MAPK4: variants seen among roughly 807,000 people sequenced by gnomAD.
MAPK4 encodes Erk3-related.
Under a neutral mutation model 47.7 loss-of-function variants are expected in MAPK4, and 22 were observed. That is an observed-to-expected ratio of 0.46 (90% CI 0.33 to 0.66). The LOEUF (loss-of-function observed/expected upper bound fraction) is 0.66. Ranked by LOEUF, MAPK4 falls within the 30% of genes least tolerant of loss-of-function variation. The probability of loss-of-function intolerance (pLI) is 0.02; values close to 1 mark genes in which losing one functional copy is unlikely to be tolerated. For synonymous variants in MAPK4, 390 were observed against 365.7 expected (o/e 1.07, Z -0.76); for missense variants, 736 against 831.7 (o/e 0.88, Z 1.42).
chr18:50,700,547 G>T (rs12604368), intron 2 of MAPK4, among the ~76,000 whole-genome samples: 1 of 151,976 alleles, frequency 6.6e-6, no homozygotes, highest in African/African-American at 2.4e-5. Context: ...TCTTCTGTGG[G>T]CCCATCTGCT....
intron 1 of MAPK4, among the ~76,000 whole-genome samples, chr18:50,658,263 C>T (rs2043132787): frequency 6.6e-6 from 1 of 152,162 alleles, no homozygotes; most frequent in Non-Finnish European, 1.5e-5. Context: ...ACAAGGTGTG[C>T]CTACCCCACA....
intron 2 of MAPK4, among the ~76,000 whole-genome samples, chr18:50,694,347 G>A (rs1358298621): frequency 6.6e-6 from 1 of 152,110 alleles, no homozygotes; most frequent in Non-Finnish European, 1.5e-5. Flanking sequence ...CCTATCCCAT[G>A]GGCCAAACAC....
At chr18:50,712,964 C>G (rs988480148) in intron 2 of MAPK4, among the ~76,000 whole-genome samples, 2 of 152,144 alleles carry the variant, frequency 1.3e-5, no homozygotes, top group Non-Finnish European at 2.9e-5. Context: ...AACTTAAATT[C>G]CTAACAGCCT....
intron 1 of MAPK4, among the ~76,000 whole-genome samples, chr18:50,587,604 TG>T (rs2042399958): frequency 6.6e-6 from 1 of 152,142 alleles, no homozygotes; most frequent in Non-Finnish European, 1.5e-5. Flanking sequence ...CATGAAGGTG[TG>T]GTAGGTGCTT....
intron 1 of MAPK4, among the ~76,000 whole-genome samples, chr18:50,575,628 G>T (rs569588198): frequency 2.2e-4 from 34 of 152,024 alleles, no homozygotes; most frequent in African/African-American, 8.0e-4. Context: ...AACAAAAATT[G>T]ACAAATGGAA....
intron 1 of MAPK4, among the ~76,000 whole-genome samples, chr18:50,565,993 CATTA>C (rs1264089199): frequency 6.6e-6 from 1 of 152,188 alleles, no homozygotes; most frequent in Admixed American, 6.5e-5. Context: ...TCAGACTTCT[CATTA>C]ATTAATCTTT....
At chr18:50,672,143 C>G (rs1002724184) in intron 2 of MAPK4, among the ~76,000 whole-genome samples, 4 of 152,142 alleles carry the variant, frequency 2.6e-5, no homozygotes, top group Non-Finnish European at 4.4e-5. Flanking sequence ...CAGATGGCAA[C>G]CCACAGGGTG....
rs528412831 is a variant in MAPK4 at position 50,721,364 on chromosome 18, C to T, written c.692-574C>T. On this transcript the variant is annotated intron_variant, in intron 3 of 5. Transcript: ENST00000400384. ...GAATGTTTGAGTCCATCCTGTCCCA[C>T]CAAAGTGCCCCTGCAAACCTGGCAT... 2.0e-5 allele frequency among the ~76,000 whole-genome samples: 3 copies of T among 152,330 alleles called. No individual in the cohort carries two copies. In the South Asian group the frequency reaches 6.2e-4, roughly 32 times the overall value.
chr18:50,563,073 A>C (rs2042168013), intron 1 of MAPK4, among the ~76,000 whole-genome samples: 1 of 152,182 alleles, frequency 6.6e-6, no homozygotes. Flanking sequence ...CTTTATAAAA[A>C]ACTATATTAC....
chr18:50,675,984 C>T (rs950120938), intron 2 of MAPK4, among the ~76,000 whole-genome samples: 6 of 152,216 alleles, frequency 3.9e-5, no homozygotes, highest in African/African-American at 9.6e-5. Context: ...AGTGGGGATG[C>T]GACATTGCTG....
chr18:50,687,305 G>A (rs1908934654), intron 2 of MAPK4, among the ~76,000 whole-genome samples: 4 of 152,112 alleles, frequency 2.6e-5, no homozygotes, highest in African/African-American at 2.4e-5. Flanking sequence ...GATTACAGGC[G>A]TGAGCCACCA....
At chr18:50,626,382 G>A (rs1467922308) in intron 1 of MAPK4, among the ~76,000 whole-genome samples, 1 of 152,186 alleles carries the variant, frequency 6.6e-6, no homozygotes, top group Non-Finnish European at 1.5e-5. Context: ...GGGAGAGGTG[G>A]ACTTGAACCA....
intron 1 of MAPK4, among the ~76,000 whole-genome samples, chr18:50,617,139 A>G (rs150092085): frequency 1.3e-5 from 2 of 152,176 alleles, no homozygotes; most frequent in Admixed American, 6.5e-5. Flanking sequence ...GGGAATAATT[A>G]TTACTGGATT....
intron 5 of MAPK4, among the ~76,000 whole-genome samples, chr18:50,728,531 TCCCCACCCTAGA>T (rs1301747449): frequency 6.6e-6 from 1 of 152,062 alleles, no homozygotes; most frequent in East Asian, 1.9e-4. Context: ...CTTAATCAGG[TCCCCACCCTAGA>T]CCTACTCAGT....
chr18:50,693,222 G>A (rs958621860), intron 2 of MAPK4, among the ~76,000 whole-genome samples: 1 of 152,056 alleles, frequency 6.6e-6, no homozygotes, highest in Non-Finnish European at 1.5e-5. Context: ...TAGCACCACT[G>A]CACTCCAGCC....
Position 50,726,060 on chromosome 18 carries a change from C to T in MAPK4, c.952C>T (p.Pro318Ser). 6.2e-7 allele frequency: 1 copy of T among 1,614,094 alleles called. No homozygotes were observed. ...CCCCTACATGAGCCCATACTCGTGCCCTGAGGACGAGCCCACCTCACAACA... is the reference window on the plus strand; with the variant it reads ...CCCCTACATGAGCCCATACTCGTGCTCTGAGGACGAGCCCACCTCACAACA... ...QHPYMSPYSCPEDEPTSQHPF... is the reference protein window; with the variant it reads ...QHPYMSPYSCSEDEPTSQHPF... The change falls in exon 5 of 6, where the codon CCT becomes TCT. Residue 318 changes from proline (P) to serine (S), a missense_variant. This residue lies in a region of MAPK4 where 32 missense variants were observed against 57.7 expected (regional missense o/e 0.55). Transcript: ENST00000400384.
At chr18:50,701,760 G>GC (rs766037770) in intron 2 of MAPK4, among the ~76,000 whole-genome samples, 1 of 151,980 alleles carries the variant, frequency 6.6e-6, no homozygotes, top group African/African-American at 2.4e-5. Context: ...AATTAGAAAC[G>GC]CCCCCCAAAT....
intron 1 of MAPK4, among the ~76,000 whole-genome samples, chr18:50,562,470 G>A (rs1178070305): frequency 6.6e-6 from 1 of 151,060 alleles, no homozygotes; most frequent in East Asian, 1.9e-4. Context: ...ACCAATAGGG[G>A]AAGGGAGAGG....
intron 1 of MAPK4, among the ~76,000 whole-genome samples, chr18:50,619,181 A>G (rs2042709654): frequency 6.6e-6 from 1 of 152,250 alleles, no homozygotes. Context: ...AAGTCCTGAT[A>G]TTATATACTG....
Sources: allele counts gnomAD v4.1 joint callset (sites outside exome capture counted in the v4.1 genomes callset), GRCh38; gene constraint gnomAD v4.1.1; regional missense constraint gnomAD v4.1.1; transcripts MANE v1.5; gene names NCBI Gene and HGNC (gene_info 2026-07-23, HGNC 2026-07-21).